The following ACYP2 variants were observed in gnomAD, a reference collection of about 807,000 sequenced individuals.
ACYP2 encodes the protein acylphosphatase-2.
A neutral mutation model predicts 11.2 loss-of-function variants in ACYP2; 12 were observed. The observed-to-expected ratio is 1.08, with a 90% CI of 0.69 to 1.74. The LOEUF is 1.74. Among genes scored for constraint, ACYP2 ranks in the 40% most tolerant of loss-of-function variants. ACYP2 has a pLI of 0.00. For missense variants in ACYP2, 134 were observed against 101.9 expected (o/e 1.31, Z -1.35); for synonymous variants, 43 against 32.2 (o/e 1.33, Z -1.13).
At chr2:54,048,006 T>A (rs1276974758) in intron 2 of ACYP2, among the ~76,000 whole-genome samples, 1 of 152,228 alleles carries the variant, frequency 6.6e-6, no homozygotes, top group Non-Finnish European at 1.5e-5. Flanking sequence ...AAGTTGGTCT[T>A]CCAGGTCTCA....
intron 6 of ACYP2, chr2:54,254,708 T>A: frequency 1.8e-6 from 1 of 561,010 alleles, no homozygotes; most frequent in South Asian, 2.5e-5. Flanking sequence ...CATGTGATGT[T>A]AATGCAGAAT....
At chr2:54,214,116 G>A (rs1157213016) in intron 6 of ACYP2, among the ~76,000 whole-genome samples, 1 of 151,958 alleles carries the variant, frequency 6.6e-6, no homozygotes, top group Non-Finnish European at 1.5e-5. Flanking sequence ...ATTCGTTTAA[G>A]TTCCTTATAG....
intron 6 of ACYP2, among the ~76,000 whole-genome samples, chr2:54,231,677 C>T (rs902199042): frequency 1.3e-5 from 2 of 152,172 alleles, no homozygotes; most frequent in Admixed American, 1.3e-4. Context: ...TATAGGTTTT[C>T]AACAAAAGTT....
intron 2 of ACYP2, among the ~76,000 whole-genome samples, chr2:54,046,912 T>C (rs1675558143): frequency 6.6e-6 from 1 of 152,244 alleles, no homozygotes; most frequent in Admixed American, 6.5e-5. Flanking sequence ...TACCATTACC[T>C]GGCTGTATAA....
intron 6 of ACYP2, among the ~76,000 whole-genome samples, chr2:54,292,984 G>A (rs989347006): frequency 9.9e-5 from 15 of 152,108 alleles, no homozygotes; most frequent in Admixed American, 2.0e-4. Flanking sequence ...TTAGTTACCT[G>A]CTACTGCACC....
intron 6 of ACYP2, among the ~76,000 whole-genome samples, chr2:54,263,346 C>G (rs536697715): frequency 9.8e-5 from 15 of 152,300 alleles, no homozygotes; most frequent in African/African-American, 3.6e-4. Flanking sequence ...TCATGAGAAG[C>G]TGCCCCCATG....
At chr2:54,045,012 C>G (rs1007893672) in intron 2 of ACYP2, among the ~76,000 whole-genome samples, 1 of 152,292 alleles carries the variant, frequency 6.6e-6, no homozygotes, top group East Asian at 1.9e-4. Flanking sequence ...GATCCTGTTA[C>G]AAGATTATAG....
rs144727869 is a variant in ACYP2, at chr2:54,149,028, A to C, written c.404+10280A>C. On this transcript the variant is annotated intron_variant, in intron 6 of 6. Transcript: ENST00000607452. The stretch of plus-strand genomic sequence containing the variant: ...ACACTTTGAGGGGTGAGGTGGGTGG[A>C]TTGCTTGAGCTCAAGAATTCGTGAC... Among the ~76,000 whole-genome samples the C allele has an allele frequency of 6.8e-3, 1,041 of 152,260 alleles. 20 individuals carry two copies. Among genetic ancestry groups the C allele is most frequent in the African/African-American group, 0.023 (959 of 41,538 alleles).
At chr2:54,103,266 A>G (rs1173395060) in intron 4 of ACYP2, among the ~76,000 whole-genome samples, 5 of 152,200 alleles carry the variant, frequency 3.3e-5, no homozygotes, top group South Asian at 2.1e-4. Context: ...TAAAAGCAAC[A>G]CATGTCCACC....
At chr2:54,090,681 C>T (rs1678180176) in intron 4 of ACYP2, among the ~76,000 whole-genome samples, 1 of 152,126 alleles carries the variant, frequency 6.6e-6, no homozygotes, top group Admixed American at 6.5e-5. Context: ...CTTTGCCAAT[C>T]CTGCCTAGAG....
At chr2:54,264,072 G>A (rs1687906247) in intron 6 of ACYP2, among the ~76,000 whole-genome samples, 4 of 152,130 alleles carry the variant, frequency 2.6e-5, no homozygotes, top group Middle Eastern at 3.2e-3. Flanking sequence ...AGAATGAAAC[G>A]ACGGACCCTC....
At chr2:54,098,382 T>C (rs187227581) in intron 4 of ACYP2, among the ~76,000 whole-genome samples, 2 of 152,260 alleles carry the variant, frequency 1.3e-5, no homozygotes, top group African/African-American at 4.8e-5. Flanking sequence ...GATTGTTTCA[T>C]TGTCTCCTGA....
At chr2:54,254,775 G>T in intron 6 of ACYP2, 1 of 764,966 alleles carries the variant, frequency 1.3e-6, no homozygotes, top group Non-Finnish European at 2.1e-6. Context: ...CAATCTTCAG[G>T]TTGAGAGAAC....
At chr2:54,029,660 G>C in intron 2 of ACYP2, 1 of 416,562 alleles carries the variant, frequency 2.4e-6, no homozygotes, top group Non-Finnish European at 4.6e-6. Context: ...AATTCTCTTA[G>C]CTTGTAGAGT....
At chr2:54,300,703 C>T (rs1035943102) in intron 6 of ACYP2, among the ~76,000 whole-genome samples, 21 of 152,300 alleles carry the variant, frequency 1.4e-4, no homozygotes, top group African/African-American at 3.9e-4. Context: ...GAGCCTGTAT[C>T]CCAGGGTACC....
chr2:53,973,543 TA>T lies in ACYP2; in HGVS notation c.-36-168del, dbSNP rs1248614096. On this transcript the variant is annotated intron_variant, in intron 1 of 6. Transcript: ENST00000607452. ...CCCCCACCCTTAGGAAGTTTCTTTA[TA>T]ATCTCCCCAACCCTTAAGAAGGTTC... Among the ~76,000 whole-genome samples the T allele has an allele frequency of 2.0e-5, 3 of 152,332 alleles. No homozygotes were observed. The South Asian group carries it at 6.2e-4, about 32-fold the overall frequency.
chr2:54,041,082 C>CCT lies in ACYP2; in HGVS notation c.63-9865_63-9864dup, dbSNP rs888695062. Among the ~76,000 whole-genome samples the CCT allele has an allele frequency of 8.8e-5, 13 of 148,180 alleles. No homozygotes were observed. The East Asian group carries it at 2.6e-3, about 30-fold the overall frequency. On this transcript the variant is annotated intron_variant, in intron 2 of 6. Coordinates refer to ENST00000607452, the MANE Select transcript of ACYP2 (RefSeq NM_001320586.2). Reference sequence around the variant, plus strand: ...TTCTTTTCTTTTTTTCTTTTCTTTTCCTCTCTCTCTCTTTCTTTCTTTCTT... The same window carrying CCT: ...TTCTTTTCTTTTTTTCTTTTCTTTTCCTCTCTCTCTCTCTTTCTTTCTTTCTT...
intron 2 of ACYP2, among the ~76,000 whole-genome samples, chr2:53,982,117 C>A (rs947129696): frequency 6.6e-6 from 1 of 151,960 alleles, no homozygotes; most frequent in African/African-American, 2.4e-5. Flanking sequence ...ATAACTAATG[C>A]ACAAAGAGGA....
rs556969874 is a variant in ACYP2 at position 54,123,569 on chromosome 2, C to T, written c.278-11884C>T. 1.2e-4 allele frequency among the ~76,000 whole-genome samples: 18 copies of T among 152,048 alleles called. No homozygotes were observed. In the East Asian group the frequency reaches 3.5e-3, roughly 29 times the overall value. ...ATTACCATTAATTCCAGAACATTTCCATCACCCCTCCTTCCCTTTACCAGC... is the reference window on the plus strand; with the variant it reads ...ATTACCATTAATTCCAGAACATTTCTATCACCCCTCCTTCCCTTTACCAGC... On this transcript the variant is annotated intron_variant, in intron 4 of 6. Coordinates refer to ENST00000607452, the MANE Select transcript of ACYP2 (RefSeq NM_001320586.2).
Sources: allele counts gnomAD v4.1 joint callset (sites outside exome capture counted in the v4.1 genomes callset), GRCh38; gene constraint gnomAD v4.1.1; transcripts MANE v1.5; gene names NCBI Gene and HGNC (gene_info 2026-07-23, HGNC 2026-07-21).